AP3S1: variants seen among roughly 807,000 people sequenced by gnomAD.
AP3S1 encodes the protein AP-3 complex subunit sigma-1.
Under a neutral mutation model 21.3 loss-of-function variants are expected in AP3S1, and 12 were observed. The ratio of observed to expected loss-of-function variants is 0.56; its 90% CI spans 0.36 to 0.91. The LOEUF is 0.91. Among genes scored for constraint, AP3S1 ranks in the 40% least tolerant of loss-of-function variants. AP3S1 has a pLI of 0.01. For missense variants in AP3S1, 116 were observed against 225.0 expected (o/e 0.52, Z 3.10); for synonymous variants, 48 against 78.4 (o/e 0.61, Z 2.05).
chr5:115,861,865 C>CTT (rs113923492), intron 1 of AP3S1, among the ~76,000 whole-genome samples: 21 of 110,602 alleles, frequency 1.9e-4, no homozygotes, highest in Admixed American at 3.4e-4. Context: ...CTTTTCTTTT[C>CTT]TTTTTTTTTT....
intron 2 of AP3S1, among the ~76,000 whole-genome samples, chr5:115,868,420 ATTTTTAAATTAAACATCTT>A (rs767851279): frequency 6.6e-6 from 1 of 152,156 alleles, no homozygotes; most frequent in Non-Finnish European, 1.5e-5. Flanking sequence ...GCATGTAGAT[ATTTTTAAATTAAACATCTT>A]CTCTAGAAGA....
rs560226540 is a variant in AP3S1, at chr5:115,884,912, A to C, written c.274-10175A>C. Reference sequence around the variant, plus strand: ...ATTCTTTACTAACACACTGATAGGAACACTGATACAGACATTCTATCACAT... The same window carrying C: ...ATTCTTTACTAACACACTGATAGGACCACTGATACAGACATTCTATCACAT... On this transcript the variant is annotated intron_variant, in intron 3 of 5. Transcript: ENST00000316788. Among the ~76,000 whole-genome samples the C allele has an allele frequency of 9.2e-5, 14 of 152,294 alleles. No homozygotes were observed. The South Asian group carries it at 2.7e-3, about 29-fold the overall frequency.
chr5:115,855,393 C>G (rs1251130109), intron 1 of AP3S1, among the ~76,000 whole-genome samples: 1 of 151,690 alleles, frequency 6.6e-6, no homozygotes, highest in East Asian at 1.9e-4. Context: ...AGGCTGGAGT[C>G]CGGTGGTATA....
intron 1 of AP3S1, among the ~76,000 whole-genome samples, chr5:115,860,498 T>C (rs1763094707): frequency 6.6e-6 from 1 of 152,208 alleles, no homozygotes; most frequent in Non-Finnish European, 1.5e-5. Context: ...AGTGGGAATT[T>C]AGTGATCCTT....
chr5:115,857,872 G>A (rs1762909027), intron 1 of AP3S1, among the ~76,000 whole-genome samples: 1 of 152,210 alleles, frequency 6.6e-6, no homozygotes, highest in Non-Finnish European at 1.5e-5. Context: ...GCTGAGCCAT[G>A]TTGTAAACTG....
chr5:115,908,413 G>C (rs1349454401), intron 5 of AP3S1, among the ~76,000 whole-genome samples: 2 of 152,192 alleles, frequency 1.3e-5, no homozygotes, highest in East Asian at 3.9e-4. Flanking sequence ...GTGGCTCTAA[G>C]GTACTGATGG....
At chr5:115,905,621 TATG>T (rs1169901330) in intron 5 of AP3S1, among the ~76,000 whole-genome samples, 2 of 152,210 alleles carry the variant, frequency 1.3e-5, no homozygotes, top group Non-Finnish European at 2.9e-5. Flanking sequence ...CACTGAAAAT[TATG>T]ATGACTAATT....
intron 1 of AP3S1, among the ~76,000 whole-genome samples, chr5:115,846,387 G>A (rs1390834767): frequency 3.3e-5 from 5 of 152,140 alleles, no homozygotes; most frequent in African/African-American, 1.2e-4. Context: ...ATAAAATACT[G>A]TGTGTATGTA....
intron 3 of AP3S1, among the ~76,000 whole-genome samples, chr5:115,875,076 A>G (rs1323493368): frequency 6.6e-6 from 1 of 152,224 alleles, no homozygotes; most frequent in African/African-American, 2.4e-5. Flanking sequence ...TTATCACTAA[A>G]GCATATATTT....
chr5:115,853,382 A>G (rs575296736), intron 1 of AP3S1, among the ~76,000 whole-genome samples: 83 of 152,320 alleles, frequency 5.4e-4, no homozygotes, highest in African/African-American at 1.8e-3. Flanking sequence ...TGTCAGGTAT[A>G]TGATGTGCAT....
At chr5:115,892,859 G>T (rs1750434025) in intron 3 of AP3S1, among the ~76,000 whole-genome samples, 1 of 152,144 alleles carries the variant, frequency 6.6e-6, no homozygotes, top group Admixed American at 6.5e-5. Flanking sequence ...TGAGGGGATG[G>T]ATACCCCATT....
chr5:115,881,677 G>A (rs757136180), intron 3 of AP3S1, among the ~76,000 whole-genome samples: 1 of 152,162 alleles, frequency 6.6e-6, no homozygotes, highest in Non-Finnish European at 1.5e-5. Context: ...ACGATTATGT[G>A]TCTTGGGGTT....
At chr5:115,905,512 A>G (rs143338083) in intron 5 of AP3S1, among the ~76,000 whole-genome samples, 3 of 152,308 alleles carry the variant, frequency 2.0e-5, no homozygotes, top group Non-Finnish European at 4.4e-5. Flanking sequence ...ACAAAATTAT[A>G]TATTTTCTAT....
intron 1 of AP3S1, among the ~76,000 whole-genome samples, chr5:115,863,570 CAA>C (rs1220284412): frequency 6.6e-6 from 1 of 151,164 alleles, no homozygotes; most frequent in East Asian, 1.9e-4. Context: ...GACTCCATCT[CAA>C]AAAAAAGAAA....
At chr5:115,882,563 C>T (rs1403624863) in intron 3 of AP3S1, among the ~76,000 whole-genome samples, 2 of 152,212 alleles carry the variant, frequency 1.3e-5, no homozygotes, top group East Asian at 1.9e-4. Context: ...CCTGTTCCTT[C>T]CTCTGGAAGG....
At chr5:115,854,247 A>G (rs1762641285) in intron 1 of AP3S1, among the ~76,000 whole-genome samples, 2 of 152,226 alleles carry the variant, frequency 1.3e-5, no homozygotes, top group Non-Finnish European at 1.5e-5. Flanking sequence ...TTTCCAACAC[A>G]TGAACTTTGG....
At chr5:115,862,780 A>T (rs990848853) in intron 1 of AP3S1, among the ~76,000 whole-genome samples, 9 of 152,204 alleles carry the variant, frequency 5.9e-5, no homozygotes, top group Non-Finnish European at 1.0e-4. Flanking sequence ...GTAATATCAT[A>T]AACCTTGAAT....
intron 1 of AP3S1, among the ~76,000 whole-genome samples, chr5:115,852,372 T>C (rs1011202174): frequency 2.6e-5 from 4 of 152,130 alleles, no homozygotes; most frequent in African/African-American, 4.8e-5. Context: ...AAGAAGACTT[T>C]TATAGGAGAA....
chr5:115,879,801 C>T (rs376848762), intron 3 of AP3S1, among the ~76,000 whole-genome samples: 203 of 152,268 alleles, frequency 1.3e-3, no homozygotes, highest in African/African-American at 4.5e-3. Flanking sequence ...CTTTGTGCCT[C>T]TGGTAGAATT....
Sources: allele counts gnomAD v4.1 joint callset (sites outside exome capture counted in the v4.1 genomes callset), GRCh38; gene constraint gnomAD v4.1.1; transcripts MANE v1.5; gene names NCBI Gene and HGNC (gene_info 2026-07-23, HGNC 2026-07-21).